Variants in TSNARE1 observed in about 807,000 individuals in gnomAD.
The protein encoded by TSNARE1 is t-SNARE domain-containing protein 1.
TSNARE1 carries 49 observed loss-of-function variants against 62.0 expected under a neutral mutation model. The ratio of observed to expected loss-of-function variants is 0.79; its 90% CI spans 0.63 to 1.00. The LOEUF (loss-of-function observed/expected upper bound fraction) is 1.00, where lower values mean the gene tolerates loss of function less well. Ranked by LOEUF, TSNARE1 falls within the 50% of genes least tolerant of loss-of-function variation. The probability of loss-of-function intolerance (pLI) is 0.00; values close to 1 mark genes in which losing one functional copy is unlikely to be tolerated. For missense variants in TSNARE1, 755 were observed against 700.1 expected (o/e 1.08, Z -0.88); for synonymous variants, 328 against 294.4 (o/e 1.11, Z -1.17).
chr8:142,277,964 C>A, intron 11 of TSNARE1: 1 of 985,466 alleles, frequency 1.0e-6, no homozygotes, highest in Non-Finnish European at 1.2e-6. Flanking sequence ...CAAACCAGGT[C>A]TGCCTCTGCC....
intron 13 of TSNARE1, among the ~76,000 whole-genome samples, chr8:142,222,739 CTCACTCACTCATCCACTCACTCACTCAT>C (rs1249052654): frequency 8.3e-6 from 1 of 120,266 alleles, no homozygotes; most frequent in Non-Finnish European, 1.6e-5. Flanking sequence ...CATCCACTCA[CTCACTCACTCATCCACTCACTCACTCAT>C]TCACTCATCC....
At chr8:142,217,987 A>G (rs773569625) in intron 13 of TSNARE1, among the ~76,000 whole-genome samples, 1 of 62,658 alleles carries the variant, frequency 1.6e-5, no homozygotes, top group Non-Finnish European at 3.3e-5. Context: ...CAGGGCTCAG[A>G]GTATGAGCAG....
At chr8:142,261,792 C>T (rs879338943) in intron 12 of TSNARE1, among the ~76,000 whole-genome samples, 10 of 152,196 alleles carry the variant, frequency 6.6e-5, no homozygotes, top group Admixed American at 5.9e-4. Flanking sequence ...CTCGCTATAC[C>T]CAGCAGAGCC....
chr8:142,319,527 G>A lies in TSNARE1; in HGVS notation c.894-893C>T, dbSNP rs931606530. On this transcript the variant is annotated intron_variant, in intron 6 of 13. Transcript: ENST00000524325. This position sits in a 1 kb window ranked among gnomAD's most constrained non-coding sequence, Gnocchi z 4.9. Reference sequence around the variant, plus strand: ...CACCAGGGCAACGGTACCCCAGCCCGGCTGCAGGCACACACACCAAGTGCA... The same window carrying A: ...CACCAGGGCAACGGTACCCCAGCCCAGCTGCAGGCACACACACCAAGTGCA... 6.6e-5 allele frequency among the ~76,000 whole-genome samples: 10 copies of A among 152,204 alleles called. No homozygotes were observed. The highest frequency in any genetic ancestry group is 1.7e-4 in the African/African-American group (7 of 41,544).
At chr8:142,299,235 G>A (rs1161300953) in intron 10 of TSNARE1, among the ~76,000 whole-genome samples, 1 of 152,248 alleles carries the variant, frequency 6.6e-6, no homozygotes, top group African/African-American at 2.4e-5. Flanking sequence ...GGGCAAGGGA[G>A]AAGGGGCTGA....
intron 7 of TSNARE1, among the ~76,000 whole-genome samples, chr8:142,316,558 C>T (rs1409518662): frequency 6.6e-6 from 1 of 151,732 alleles, no homozygotes; most frequent in Non-Finnish European, 1.5e-5. Flanking sequence ...GTGTAGAGTT[C>T]AGTAACTCTT....
chr8:142,270,658 C>T (rs529006410), intron 12 of TSNARE1: 279 of 985,388 alleles, frequency 2.8e-4, no homozygotes, highest in African/African-American at 1.0e-3. Context: ...CACCAGATCA[C>T]GCTTGGGACC....
intron 1 of TSNARE1, among the ~76,000 whole-genome samples, chr8:142,395,278 C>G (rs1837817271): frequency 6.6e-6 from 1 of 152,184 alleles, no homozygotes; most frequent in Admixed American, 6.5e-5. Flanking sequence ...AGAGCCACTT[C>G]CCAAAATCTG....
chr8:142,335,637 G>A (rs1563937261), intron 4 of TSNARE1, among the ~76,000 whole-genome samples: 1 of 151,792 alleles, frequency 6.6e-6, no homozygotes, highest in Non-Finnish European at 1.5e-5. Context: ...TAAAAAGGGG[G>A]AAAAAAAGGA....
Position 142,344,367 on chromosome 8 carries a change from C to A in TSNARE1, c.344G>T (p.Gly115Val). The change falls in exon 4 of 14, where the codon GGG (glycine) becomes GTG (valine). Residue 115 changes from glycine to valine, a missense_variant. Gly to Val is a moderately radical substitution (Grantham distance 109). Transcript: ENST00000524325. The part of the protein sequence containing the change: ...SAAGPHGRMA[G>V]PSTTRAKKRK... ...CTTCTTGGCCCGGGTAGTGCTGGGCCCCGCCATCCGGCCATGGGGCCCAGC... is the reference window on the plus strand; with the variant it reads ...CTTCTTGGCCCGGGTAGTGCTGGGCACCGCCATCCGGCCATGGGGCCCAGC... The A allele has an allele frequency of 6.4e-7, 1 of 1,571,088 alleles. No individual in the cohort carries two copies. The highest frequency in any genetic ancestry group is 1.2e-5 in the South Asian group (1 of 84,568).
At chr8:142,359,435 C>T (rs568376615) in intron 1 of TSNARE1, among the ~76,000 whole-genome samples, 1 of 152,250 alleles carries the variant, frequency 6.6e-6, no homozygotes, top group Admixed American at 6.5e-5. Context: ...GTCTCCTGTC[C>T]CTAATCAAGA....
chr8:142,238,768 C>T, intron 12 of TSNARE1, among the ~76,000 whole-genome samples: 1 of 150,064 alleles, frequency 6.7e-6, no homozygotes. Flanking sequence ...CCCCTGCACG[C>T]CCGCCCCTGC....
At chr8:142,338,387 G>A (rs1266057281) in intron 4 of TSNARE1, among the ~76,000 whole-genome samples, 5 of 152,218 alleles carry the variant, frequency 3.3e-5, no homozygotes, top group Non-Finnish European at 4.4e-5. Flanking sequence ...GGTCCCCAGG[G>A]CAGGAGCTTG....
intron 4 of TSNARE1, among the ~76,000 whole-genome samples, chr8:142,339,940 G>T (rs753989981): frequency 6.6e-6 from 1 of 152,250 alleles, no homozygotes; most frequent in East Asian, 1.9e-4. Flanking sequence ...AGGCAACTCC[G>T]CAGAGGACTG....
intron 1 of TSNARE1, among the ~76,000 whole-genome samples, chr8:142,365,215 G>A (rs1297190564): frequency 2.6e-5 from 4 of 152,182 alleles, no homozygotes; most frequent in Non-Finnish European, 4.4e-5. Context: ...CCCAAAGTGT[G>A]TGACTGTGAG....
chr8:142,222,952 C>CCACTCACTCACTCATT (rs1226056698), intron 13 of TSNARE1, among the ~76,000 whole-genome samples: 28 of 138,726 alleles, frequency 2.0e-4, no homozygotes, highest in African/African-American at 6.8e-4. Context: ...ACTCACTCAT[C>CCACTCACTCACTCATT]CACTCACTCA....
At chr8:142,377,526 C>G (rs1451677931) in intron 1 of TSNARE1, among the ~76,000 whole-genome samples, 1 of 152,208 alleles carries the variant, frequency 6.6e-6, no homozygotes, top group African/African-American at 2.4e-5. Context: ...TAAGTCAGGG[C>G]AGCGTGCAGG....
intron 12 of TSNARE1, among the ~76,000 whole-genome samples, chr8:142,235,475 C>T (rs1293730294): frequency 6.7e-6 from 1 of 149,198 alleles, no homozygotes; most frequent in Non-Finnish European, 1.5e-5. Context: ...GCTTCCCATG[C>T]AAATGCATTC....
chr8:142,304,070 G>C (rs891887993), intron 9 of TSNARE1, among the ~76,000 whole-genome samples: 2 of 152,222 alleles, frequency 1.3e-5, no homozygotes, highest in Admixed American at 1.3e-4. Context: ...ACCCTGACAC[G>C]GGTAGAAGCT....
Sources: gnomAD v4.1 joint callset for allele counts (sites outside exome capture counted in the v4.1 genomes callset) on GRCh38, gnomAD v4.1.1 for gene constraint, Gnocchi (gnomAD v3.1) non-coding constraint, MANE v1.5 for transcripts, NCBI Gene and HGNC (gene_info 2026-07-23, HGNC 2026-07-21) for gene names.